FBXO46: variants seen among roughly 807,000 people sequenced by gnomAD.
The protein encoded by FBXO46 is F-box only protein 46.
FBXO46 carries 13 observed loss-of-function variants against 30.7 expected under a neutral mutation model. That is an observed-to-expected ratio of 0.42 (90% confidence interval 0.28 to 0.67). The LOEUF (loss-of-function observed/expected upper bound fraction) is 0.67, where lower values mean the gene tolerates loss of function less well. Among genes scored for constraint, FBXO46 ranks in the 30% least tolerant of loss-of-function variants. The probability of loss-of-function intolerance (pLI) is 0.21; values close to 1 mark genes in which losing one functional copy is unlikely to be tolerated. For missense variants in FBXO46, 754 were observed against 871.5 expected, an observed-to-expected ratio of 0.87 and a Z score of 1.70; for synonymous variants, 467 against 385.8, an observed-to-expected ratio of 1.21 and a Z score of -2.47.
chr19:45,712,846 C>A lies in FBXO46; in HGVS notation c.650G>T (p.Arg217Leu). 6.2e-7 allele frequency: 1 copy of A among 1,613,322 alleles called. No individual in the cohort carries two copies. The highest frequency in any genetic ancestry group is 8.5e-7 in the Non-Finnish European group (1 of 1,179,718). The change falls in exon 2 of 2, where the codon CGG becomes CTG. Residue 217 changes from arginine (R) to leucine (L), a missense_variant. By Grantham distance (102) the Arg-to-Leu change is moderately radical. Coordinates refer to ENST00000317683, the MANE Select transcript of FBXO46 (RefSeq NM_001080469.2). The surrounding 1 kb of genome is among the most constrained non-coding windows in gnomAD (Gnocchi z 8.8). Reference protein sequence around the residue: ...GGPAKGVGSERRSGGGDCSRV... With the variant: ...GGPAKGVGSELRSGGGDCSRV... The stretch of plus-strand genomic sequence containing the variant: ...GCTGCAGTCCCCACCACCGGACCGC[C>A]GTTCAGATCCCACCCCCTTGGCCGG...
rs1197603544 is a variant in FBXO46 at position 45,713,342 on chromosome 19, G to A, written c.154C>T (p.His52Tyr). 5 of 1,613,014 alleles carry A rather than the reference G, an allele frequency of 3.1e-6. No individual in the cohort carries two copies. Among genetic ancestry groups the A allele is most frequent in the Non-Finnish European group, 4.2e-6 (5 of 1,179,528 alleles). The stretch of plus-strand genomic sequence containing the variant: ...AAGGCGGGTGGTGTGTTCTCTGAGT[G>A]GGCAGGCCCATGGTCTGGCTCGGCC... ...GGAEPDHGPA[H>Y]SENTPPALAT... The change falls in exon 2 of 2, where the codon CAC (histidine) becomes TAC (tyrosine). Residue 52 changes from histidine to tyrosine, a missense_variant. By Grantham distance (83) the His-to-Tyr change is moderately conservative. Transcript: ENST00000317683. The surrounding 1 kb of genome is among the most constrained non-coding windows in gnomAD (Gnocchi z 4.7).
intron 1 of FBXO46, among the ~76,000 whole-genome samples, chr19:45,727,791 C>A (rs1480828326): frequency 6.6e-6 from 1 of 152,038 alleles, no homozygotes; most frequent in Non-Finnish European, 1.5e-5. Context: ...CCTTAATGAC[C>A]CAAAAGTTAA....
At position 45,712,906 on chromosome 19, in the gene FBXO46, G is replaced by A. The variant is rs771511105; in HGVS notation, c.590C>T (p.Ala197Val). The A allele has an allele frequency of 8.1e-6, 13 of 1,612,190 alleles. No homozygotes were observed. The highest frequency in any genetic ancestry group is 2.7e-5 in the African/African-American group (2 of 74,890). The change falls in exon 2 of 2, where the codon GCG (alanine) becomes GTG (valine). Residue 197 changes from alanine to valine, a missense_variant. Ala to Val is a moderately conservative substitution (Grantham distance 64). Around this residue, in one of 5 missense-constraint regions of FBXO46, gnomAD observed 454 missense variants for 426.5 expected, o/e 1.06. Transcript: ENST00000317683. This position sits in a 1 kb window ranked among gnomAD's most constrained non-coding sequence, Gnocchi z 8.8. ...LQSYPRPTTP[A>V]PVVFVSAEQG... Reference sequence around the variant, plus strand: ...CTCGGCGGACACAAAGACTACAGGCGCTGGGGTGGTCGGTCGTGGGTAGCT... The same window carrying A: ...CTCGGCGGACACAAAGACTACAGGCACTGGGGTGGTCGGTCGTGGGTAGCT...
intron 1 of FBXO46, among the ~76,000 whole-genome samples, chr19:45,718,942 T>TAAAAAAAAAAAAAAAA (rs397954439): frequency 8.4e-6 from 1 of 119,430 alleles, no homozygotes; most frequent in African/African-American, 3.1e-5. Flanking sequence ...CATTACCCCT[T>TAAAAAAAAAAAAAAAA]AAAAAAAAAA....
In FBXO46 at chr19:45,713,968, CAAAAAAAAAAA is replaced by C. The variant is rs34349746; in HGVS notation, c.-78-406_-78-396del. On this transcript the variant is annotated intron_variant, in intron 1 of 1. Coordinates refer to ENST00000317683, the MANE Select transcript of FBXO46 (RefSeq NM_001080469.2). The surrounding 1 kb of genome is among the most constrained non-coding windows in gnomAD (Gnocchi z 4.7). ...GGGCGACAAGAGCGAAACTCCGTCT[CAAAAAAAAAAA>C]AAAAAAAAAAAAGAACTCTATTCCC... 4.1e-5 allele frequency among the ~76,000 whole-genome samples: 3 copies of C among 73,138 alleles called. No individual in the cohort carries two copies. Among genetic ancestry groups the C allele is most frequent in the Admixed American group, 1.8e-4 (1 of 5,622 alleles). The allele number at this position is 73,138 out of a possible 152,430, so 48.0% of individuals were successfully genotyped here.
At chr19:45,720,589 C>G (rs1968156004) in intron 1 of FBXO46, among the ~76,000 whole-genome samples, 1 of 152,104 alleles carries the variant, frequency 6.6e-6, no homozygotes, top group Admixed American at 6.5e-5. Flanking sequence ...TTTTGAGGAG[C>G]TGAAACCACA....
chr19:45,712,952 G>A lies in FBXO46; in HGVS notation c.544C>T (p.Arg182Trp), dbSNP rs764180636. 1.3e-6 allele frequency: 2 copies of A among 1,588,662 alleles called. No individual in the cohort carries two copies. Among genetic ancestry groups the A allele is most frequent in the Admixed American group, 1.8e-5 (1 of 55,970 alleles). ...VAEMVALVEQ[R>W]AALALQSYPR... The stretch of plus-strand genomic sequence containing the variant: ...TAGCTCTGCAGGGCCAGGGCTGCCC[G>A]CTGTTCCACCAGGGCCACCATCTCG... Residue 182 changes from arginine (R) to tryptophan (W), a missense_variant, in exon 2 of 2, where the codon CGG (arginine) becomes TGG (tryptophan). Arg to Trp is a moderately radical substitution (Grantham distance 101). This residue lies in a region of FBXO46 where 454 missense variants were observed against 426.5 expected (regional missense o/e 1.06). Coordinates refer to ENST00000317683, the MANE Select transcript of FBXO46 (RefSeq NM_001080469.2). The surrounding 1 kb of genome is among the most constrained non-coding windows in gnomAD (Gnocchi z 8.8).
At chr19:45,718,744 C>T (rs538501468) in intron 1 of FBXO46, among the ~76,000 whole-genome samples, 162 of 151,928 alleles carry the variant, frequency 1.1e-3, no homozygotes, top group African/African-American at 3.8e-3. Flanking sequence ...TCTCTCCAGG[C>T]CTGAGACAGG....
chr19:45,730,456 C>T (rs1226274542), intron 1 of FBXO46, among the ~76,000 whole-genome samples: 1 of 152,012 alleles, frequency 6.6e-6, no homozygotes, highest in African/African-American at 2.4e-5. Context: ...TTGCGTCCAC[C>T]GTTCGCCTGT....
At chr19:45,731,522 G>T (rs1968312238), upstream of FBXO46, among the ~76,000 whole-genome samples, 1 of 151,438 alleles carries the variant, frequency 6.6e-6, no homozygotes. Context: ...TCACCATGTT[G>T]GTCAGGCTGG....
rs34349746 is a variant in FBXO46, at chr19:45,713,968, CAAAAAAAAA to C, written c.-78-404_-78-396del. ...GGGCGACAAGAGCGAAACTCCGTCT[CAAAAAAAAA>C]AAAAAAAAAAAAAAGAACTCTATTC... is the stretch of plus-strand genomic sequence containing the variant. On this transcript the variant is annotated intron_variant, in intron 1 of 1. Coordinates refer to ENST00000317683, the MANE Select transcript of FBXO46 (RefSeq NM_001080469.2). The surrounding 1 kb of genome is among the most constrained non-coding windows in gnomAD (Gnocchi z 4.7). Among the ~76,000 whole-genome samples, 1 of 73,130 alleles carries C rather than the reference CAAAAAAAAA, an allele frequency of 1.4e-5. No homozygotes were observed. Among genetic ancestry groups the C allele is most frequent in the Admixed American group, 1.8e-4 (1 of 5,618 alleles). 48.0% of individuals were successfully genotyped at this position (73,130 alleles called of 152,430 possible).
intron 1 of FBXO46, among the ~76,000 whole-genome samples, chr19:45,717,585 G>T (rs183315140): frequency 1.3e-5 from 2 of 152,330 alleles, no homozygotes; most frequent in African/African-American, 4.8e-5. Context: ...AACTCCCAAC[G>T]TCCAGCTAAA....
At chr19:45,716,356 C>T (rs1968090589) in intron 1 of FBXO46, 1 of 151,968 alleles carries the variant, frequency 6.6e-6, no homozygotes, top group East Asian at 1.9e-4. Flanking sequence ...CCTGGCCACC[C>T]CCTCAAGTCC....
At chr19:45,720,213 A>ACCTCTG (rs1968150975) in intron 1 of FBXO46, among the ~76,000 whole-genome samples, 1 of 151,798 alleles carries the variant, frequency 6.6e-6, no homozygotes, top group Non-Finnish European at 1.5e-5. Context: ...AATCACTGCA[A>ACCTCTG]CCTCTGCCTC....
intron 1 of FBXO46, among the ~76,000 whole-genome samples, chr19:45,719,181 A>G (rs546940518): frequency 1.6e-3 from 243 of 152,252 alleles, no homozygotes; most frequent in African/African-American, 5.7e-3. Context: ...CCCAGGAGGT[A>G]GAGGCTGCAG....
intron 1 of FBXO46, among the ~76,000 whole-genome samples, chr19:45,718,319 G>A (rs951357694): frequency 6.6e-5 from 10 of 152,194 alleles, no homozygotes; most frequent in Non-Finnish European, 1.3e-4. Flanking sequence ...GTGAGCTGGA[G>A]CAGGGATATG....
rs754764894 is a variant in FBXO46 at position 45,712,265 on chromosome 19, G to T, written c.1231C>A (p.Leu411Ile). 19 of 1,604,772 alleles carry T rather than the reference G, an allele frequency of 1.2e-5. No homozygotes were observed. In the African/African-American group the frequency reaches 2.5e-4, roughly 21 times the overall value. Residue 411 changes from leucine to isoleucine, a missense_variant, in exon 2 of 2, where the codon CTC becomes ATC. Physicochemically the swap from Leu to Ile is conservative, Grantham distance 5 (BLOSUM62 2). This residue lies in a region of FBXO46 where 454 missense variants were observed against 426.5 expected (regional missense o/e 1.06). Transcript: ENST00000317683. The surrounding 1 kb of genome is among the most constrained non-coding windows in gnomAD (Gnocchi z 8.8). Reference protein sequence around the residue: ...EPPPPGQLFFLQNRGPDGPPE... With the variant: ...EPPPPGQLFFIQNRGPDGPPE... ...GGCCCGTCCGGCCCGCGGTTCTGGAGAAAGAAGAGCTGGCCCGGAGGCGGC... is the reference window on the plus strand; with the variant it reads ...GGCCCGTCCGGCCCGCGGTTCTGGATAAAGAAGAGCTGGCCCGGAGGCGGC...
chr19:45,727,759 G>A (rs1968258151), intron 1 of FBXO46, among the ~76,000 whole-genome samples: 1 of 152,140 alleles, frequency 6.6e-6, no homozygotes, highest in South Asian at 2.1e-4. Flanking sequence ...AATTTACAAA[G>A]TTGTCAAACT....
At chr19:45,725,898 G>T (rs1968232614) in intron 1 of FBXO46, among the ~76,000 whole-genome samples, 2 of 151,958 alleles carry the variant, frequency 1.3e-5, no homozygotes, top group South Asian at 4.1e-4. Flanking sequence ...GTTTGAGATG[G>T]TCTCGCTCTA....
Sources: allele counts gnomAD v4.1 joint callset (sites outside exome capture counted in the v4.1 genomes callset), GRCh38; gene constraint gnomAD v4.1.1; regional missense constraint gnomAD v4.1.1; non-coding constraint Gnocchi (gnomAD v3.1); transcripts MANE v1.5; gene names NCBI Gene and HGNC (gene_info 2026-07-23, HGNC 2026-07-21).